RBM47: variants seen among roughly 807,000 people sequenced by gnomAD.
RBM47 encodes the protein RNA-binding protein 47.
A neutral mutation model predicts 47.1 loss-of-function variants in RBM47; 21 were observed. That is an observed-to-expected ratio of 0.45 (90% CI 0.32 to 0.64). RBM47 has a LOEUF of 0.64. Among genes scored for constraint, RBM47 ranks in the 30% least tolerant of loss-of-function variants. The pLI is 0.05. For synonymous variants in RBM47, 375 were observed against 361.7 expected (o/e 1.04, Z -0.42); for missense variants, 708 against 870.9 (o/e 0.81, Z 2.35).
At chr4:40,592,257 C>CTTTTTTTTTTTT in intron 1 of RBM47, among the ~76,000 whole-genome samples, 1 of 139,346 alleles carries the variant, frequency 7.2e-6, no homozygotes, top group Non-Finnish European at 1.6e-5. Context: ...TTTTCTTTTA[C>CTTTTTTTTTTTT]TTTTTTTTTT....
At chr4:40,564,870 C>A (rs1230532925) in intron 1 of RBM47, among the ~76,000 whole-genome samples, 1 of 152,186 alleles carries the variant, frequency 6.6e-6, no homozygotes, top group Non-Finnish European at 1.5e-5. Flanking sequence ...GTCTTGTGGT[C>A]CTCTGAGGCC....
At chr4:40,624,261 T>G (rs939395277) in intron 1 of RBM47, among the ~76,000 whole-genome samples, 1 of 152,208 alleles carries the variant, frequency 6.6e-6, no homozygotes, top group Non-Finnish European at 1.5e-5. Flanking sequence ...AAGTCACATG[T>G]AAGTGGCAGA....
At chr4:40,566,803 A>G (rs149934789) in intron 1 of RBM47, among the ~76,000 whole-genome samples, 96 of 152,110 alleles carry the variant, frequency 6.3e-4, no homozygotes, top group African/African-American at 2.3e-3. Context: ...ATAATGATAA[A>G]TGAAATTAAC....
intron 2 of RBM47, among the ~76,000 whole-genome samples, chr4:40,519,297 CTT>C (rs374404085): frequency 1.1e-4 from 14 of 130,064 alleles, no homozygotes; most frequent in Admixed American, 1.6e-4. Context: ...CTCCTTCAAT[CTT>C]TTTTTTTTTT....
intron 2 of RBM47, among the ~76,000 whole-genome samples, chr4:40,521,609 G>C (rs1408402267): frequency 6.6e-6 from 1 of 152,216 alleles, no homozygotes; most frequent in East Asian, 1.9e-4. Context: ...TATGATTGCT[G>C]TCTCAAGGAA....
In RBM47 at chr4:40,438,470, G is replaced by A; in HGVS notation, c.424C>T (p.Leu142Phe). 2 of 1,613,572 alleles carry A rather than the reference G, an allele frequency of 1.2e-6. No homozygotes were observed. Among genetic ancestry groups the A allele is most frequent in the Non-Finnish European group, 1.7e-6 (2 of 1,179,962 alleles). Residue 142 changes from leucine to phenylalanine, a missense_variant, in exon 4 of 7, where the codon CTC (leucine) becomes TTC (phenylalanine). Transcript: ENST00000295971. ...TTGTCCACGCTGCAGCACACGCCGA[G>A]CAGGCGGCCCGGGCGGATCTCGTAG... is the stretch of plus-strand genomic sequence containing the variant. ...NNYEIRPGRL[L>F]GVCCSVDNCR...
At chr4:40,578,961 A>T (rs1274908557) in intron 1 of RBM47, among the ~76,000 whole-genome samples, 2 of 151,884 alleles carry the variant, frequency 1.3e-5, no homozygotes, top group Non-Finnish European at 2.9e-5. Context: ...CCACTAAAAT[A>T]ACAAAAAATT....
intron 1 of RBM47, among the ~76,000 whole-genome samples, chr4:40,602,371 C>T (rs975392946): frequency 2.0e-5 from 3 of 152,028 alleles, no homozygotes; most frequent in Non-Finnish European, 2.9e-5. Context: ...GAATATCGGC[C>T]GGGCGCGGTC....
At chr4:40,598,972 T>TGGCCA (rs1408716635) in intron 1 of RBM47, among the ~76,000 whole-genome samples, 1 of 151,990 alleles carries the variant, frequency 6.6e-6, no homozygotes, top group Non-Finnish European at 1.5e-5. Flanking sequence ...GAGAAGTCCC[T>TGGCCA]GGCCAGGCAT....
At chr4:40,561,227 CTTTTTTTTT>C (rs1176318537) in intron 1 of RBM47, among the ~76,000 whole-genome samples, 1 of 113,646 alleles carries the variant, frequency 8.8e-6, no homozygotes, top group Non-Finnish European at 1.8e-5. Context: ...TTTCCATTGT[CTTTTTTTTT>C]TTTTTTTTTT....
chr4:40,588,992 C>CTTTT (rs34195998), intron 1 of RBM47, among the ~76,000 whole-genome samples: 5 of 79,490 alleles, frequency 6.3e-5, no homozygotes, highest in African/African-American at 9.7e-5. Context: ...TAAAGCGTTT[C>CTTTT]TTTTTTTTTT....
chr4:40,551,105 G>A (rs559071100), intron 1 of RBM47, among the ~76,000 whole-genome samples: 16 of 152,050 alleles, frequency 1.1e-4, no homozygotes, highest in Non-Finnish European at 2.2e-4. Flanking sequence ...AGCCCAGCCT[G>A]CCCACAAATA....
intron 6 of RBM47, among the ~76,000 whole-genome samples, chr4:40,431,380 C>T (rs80124144): frequency 0.057 from 8,684 of 152,068 alleles, 521 homozygotes; most frequent in East Asian, 0.15. Context: ...ATTTCATGGC[C>T]GGGCGCGGTG....
intron 1 of RBM47, among the ~76,000 whole-genome samples, chr4:40,574,637 A>C (rs1028767486): frequency 6.6e-6 from 1 of 152,100 alleles, no homozygotes; most frequent in Non-Finnish European, 1.5e-5. Context: ...ATCACCTGAG[A>C]TCAGGAGTTC....
chr4:40,526,212 G>A (rs1005174446), intron 2 of RBM47, among the ~76,000 whole-genome samples: 2 of 152,264 alleles, frequency 1.3e-5, no homozygotes, highest in African/African-American at 2.4e-5. Flanking sequence ...CCAAGGACTC[G>A]CTTTCTGCTT....
At chr4:40,627,483 G>A (rs982360183) in intron 1 of RBM47, among the ~76,000 whole-genome samples, 15 of 152,110 alleles carry the variant, frequency 9.9e-5, no homozygotes, top group Non-Finnish European at 1.9e-4. Flanking sequence ...ATGTGGAGGC[G>A]GAAACTTACT....
In RBM47 at chr4:40,587,542, G is replaced by C. The variant is rs16852374; in HGVS notation, c.-240+41854C>G. Reference sequence around the variant, plus strand: ...AACTGCCCCTTCCTTCTGCTTCTAAGAACCCTTTTCCCCTTGGGGCATGTT... The same window carrying C: ...AACTGCCCCTTCCTTCTGCTTCTAACAACCCTTTTCCCCTTGGGGCATGTT... On this transcript the variant is annotated intron_variant, in intron 1 of 6. Coordinates refer to ENST00000295971, the MANE Select transcript of RBM47 (RefSeq NM_001098634.2). Among the ~76,000 whole-genome samples, 541 of 152,294 alleles carry C rather than the reference G, an allele frequency of 3.6e-3. 2 individuals are homozygous for C. Among genetic ancestry groups the C allele is most frequent in the African/African-American group, 0.013 (526 of 41,566 alleles).
intron 2 of RBM47, among the ~76,000 whole-genome samples, chr4:40,508,328 A>T (rs1056566229): frequency 9.2e-5 from 14 of 152,222 alleles, no homozygotes; most frequent in Admixed American, 9.2e-4. Flanking sequence ...CTTAGCAAAT[A>T]CACTCCCAGA....
intron 2 of RBM47, among the ~76,000 whole-genome samples, chr4:40,477,690 T>C (rs1252327418): frequency 2.0e-5 from 3 of 152,148 alleles, no homozygotes; most frequent in Non-Finnish European, 4.4e-5. Context: ...CATCTCAGGA[T>C]GATGAATTTT....
Sources: gnomAD v4.1 joint callset for allele counts (sites outside exome capture counted in the v4.1 genomes callset) on GRCh38, gnomAD v4.1.1 for gene constraint, MANE v1.5 for transcripts, NCBI Gene and HGNC (gene_info 2026-07-23, HGNC 2026-07-21) for gene names.